PRDM4: variants seen among roughly 807,000 people sequenced by gnomAD.
The protein encoded by PRDM4 is PR domain zinc finger protein 4.
A neutral mutation model predicts 62.3 loss-of-function variants in PRDM4; 38 were observed. That is an observed-to-expected ratio of 0.61 (90% CI 0.47 to 0.80). The LOEUF (loss-of-function observed/expected upper bound fraction) is 0.80, where lower values mean the gene tolerates loss of function less well. Among genes scored for constraint, PRDM4 ranks in the 30% least tolerant of loss-of-function variants. The pLI is 0.00. For missense variants in PRDM4, 858 were observed against 997.1 expected, an observed-to-expected ratio of 0.86 and a Z score of 1.88; for synonymous variants, 339 against 348.2, an observed-to-expected ratio of 0.97 and a Z score of 0.30.
chr12:107,760,812 A>C, intron 1 of PRDM4, 41 bp from the exon 2 acceptor site: 7 of 336,512 alleles, frequency 2.1e-5, no homozygotes, highest in Admixed American at 5.1e-5. Flanking sequence ...AAACCACAAC[A>C]AGGTCGCAGC....
chr12:107,750,804 A>T (rs1890865039), intron 5 of PRDM4, among the ~76,000 whole-genome samples: 1 of 152,190 alleles, frequency 6.6e-6, no homozygotes, highest in Admixed American at 6.5e-5. Flanking sequence ...TTACCCCTAT[A>T]ACTCTCTATT....
rs562851255 is a variant in PRDM4 at position 107,751,303 on chromosome 12, A to G, written c.1126+112T>C. On this transcript the variant is annotated intron_variant, in intron 5 of 11. Transcript: ENST00000228437. The stretch of plus-strand genomic sequence containing the variant: ...AATACCAAGGCAAAGAAAAGTTCCA[A>G]GGTCTAGTTGCTTTCTATACTCCCT... The G allele has an allele frequency of 2.4e-5, 27 of 1,106,512 alleles. No individual in the cohort carries two copies. The African/African-American group carries it at 4.0e-4, about 16-fold the overall frequency. The allele number at this position is 1,106,512 out of a possible 1,614,324, so 68.5% of individuals were successfully genotyped here.
At position 107,734,048 on chromosome 12, in the gene PRDM4, A is replaced by G. The variant is rs1890248211; in HGVS notation, c.*162T>C. 1.4e-6 allele frequency: 1 copy of G among 707,780 alleles called. No individual in the cohort carries two copies. Among genetic ancestry groups the G allele is most frequent in the East Asian group, 2.8e-5 (1 of 36,144 alleles). The allele number at this position is 707,780 out of a possible 1,614,324, so 43.8% of individuals were successfully genotyped here. A position where few individuals can be genotyped will look rare whatever the true frequency, so the allele number is the denominator to read the frequency against. ...CAATCTGTTTTAAAGTGTTTTCATTAGGATACTCTTCTGTAAGTGCTTTAT... is the reference window on the plus strand; with the variant it reads ...CAATCTGTTTTAAAGTGTTTTCATTGGGATACTCTTCTGTAAGTGCTTTAT... On this transcript the variant is annotated 3_prime_UTR_variant, in exon 12 of 12. Transcript: ENST00000228437.
chr12:107,738,758 C>A (rs1045906375), intron 11 of PRDM4, among the ~76,000 whole-genome samples: 4 of 152,134 alleles, frequency 2.6e-5, no homozygotes, highest in Non-Finnish European at 5.9e-5. Flanking sequence ...CACTATGACA[C>A]TCCTTTCCTT....
chr12:107,751,312 T>C, intron 5 of PRDM4, 103 bp downstream of exon 5: 1 of 1,206,540 alleles, frequency 8.3e-7, no homozygotes. Context: ...AAGGTCTAGT[T>C]GCTTTCTATA....
chr12:107,739,300 C>G lies in PRDM4; in HGVS notation c.2093+83G>C, dbSNP rs566464961. Reference sequence around the variant, plus strand: ...ATGAAACAGATGAGCCAGGACTCCCCAGCCCTTCAATCAGCAGGTGGGCTG... The same window carrying G: ...ATGAAACAGATGAGCCAGGACTCCCGAGCCCTTCAATCAGCAGGTGGGCTG... On this transcript the variant is annotated intron_variant, in intron 11 of 11. Transcript: ENST00000228437. 120 of 1,491,050 alleles carry G rather than the reference C, an allele frequency of 8.0e-5. 2 individuals are homozygous for G. The South Asian group carries it at 1.4e-3, about 17-fold the overall frequency. The allele number at this position is 1,491,050 out of a possible 1,614,324, so 92.4% of individuals were successfully genotyped here. A position where few individuals can be genotyped will look rare whatever the true frequency, so the allele number is the denominator to read the frequency against.
At chr12:107,739,230 C>T in intron 11 of PRDM4, 153 bp downstream of exon 11, 1 of 765,746 alleles carries the variant, frequency 1.3e-6, no homozygotes, top group South Asian at 3.0e-5. Context: ...CCAACCTTGG[C>T]TTGGCTACAT....
chr12:107,746,192 A>C lies in PRDM4; in HGVS notation c.1276+83T>G, dbSNP rs1890697757. The C allele has an allele frequency of 1.2e-5, 18 of 1,511,114 alleles. No homozygotes were observed. In the South Asian group the frequency reaches 2.2e-4, roughly 18 times the overall value. The allele number at this position is 1,511,114 out of a possible 1,614,324, so 93.6% of individuals were successfully genotyped here. On this transcript the variant is annotated intron_variant, in intron 6 of 11. Transcript: ENST00000228437. ...TTGACTTTTGGTCCAAATAATTACTAAATTATACACATCCACTTTTACAAC... is the reference window on the plus strand; with the variant it reads ...TTGACTTTTGGTCCAAATAATTACTCAATTATACACATCCACTTTTACAAC...
intron 6 of PRDM4, among the ~76,000 whole-genome samples, chr12:107,745,528 G>A (rs1011554313): frequency 2.0e-5 from 3 of 151,592 alleles, no homozygotes; most frequent in African/African-American, 4.8e-5. Context: ...ACTGTACTCC[G>A]TATGTTAGGC....
chr12:107,742,870 C>T (rs756414337), intron 8 of PRDM4, among the ~76,000 whole-genome samples: 1 of 150,936 alleles, frequency 6.6e-6, no homozygotes, highest in Non-Finnish European at 1.5e-5. Context: ...CTCAAATGAT[C>T]CTCCCACCTC....
rs899208349 is a variant in PRDM4 at position 107,739,482 on chromosome 12, A to G, written c.1994T>C (p.Met665Thr). The G allele has an allele frequency of 6.2e-7, 1 of 1,613,892 alleles. No homozygotes were observed. The highest frequency in any genetic ancestry group is 1.3e-5 in the African/African-American group (1 of 74,950). ...FTQKAHLESH[M>T]VIHTGEKNLK... ...ATTCTTCTCCCCAGTGTGGATAACC[A>G]TGTGGGACTCCAGGTGAGCCTTCTG... is the stretch of plus-strand genomic sequence containing the variant. The change falls in exon 11 of 12, where the codon ATG (methionine) becomes ACG (threonine). Residue 665 changes from methionine to threonine, a missense_variant. Physicochemically the swap from Met to Thr is moderately conservative, Grantham distance 81. Coordinates refer to ENST00000228437, the MANE Select transcript of PRDM4 (RefSeq NM_012406.4).
At position 107,760,488 on chromosome 12, in the gene PRDM4, C is replaced by G; in HGVS notation, c.11+17G>C. Reference sequence around the variant, plus strand: ...TCCAACGATGTCACCAGTGCTGAAGCCCACCTCCCTACTCACCTGTGATGC... The same window carrying G: ...TCCAACGATGTCACCAGTGCTGAAGGCCACCTCCCTACTCACCTGTGATGC... On this transcript the variant is annotated intron_variant, in intron 2 of 11. Transcript: ENST00000228437. 1 of 1,613,428 alleles carries G rather than the reference C, an allele frequency of 6.2e-7. No individual in the cohort carries two copies. The highest frequency in any genetic ancestry group is 1.1e-5 in the South Asian group (1 of 90,902).
chr12:107,757,059 A>T, intron 2 of PRDM4, 94 bp from the exon 3 acceptor site: 1 of 1,332,866 alleles, frequency 7.5e-7, no homozygotes, highest in Non-Finnish European at 1.0e-6. Flanking sequence ...GGGATGGGGA[A>T]ATGGGACTTG....
chr12:107,753,698 A>T (rs1461676313), intron 4 of PRDM4, among the ~76,000 whole-genome samples: 3 of 152,234 alleles, frequency 2.0e-5, no homozygotes, highest in African/African-American at 7.2e-5. Flanking sequence ...AAGAAAAATT[A>T]TGTGCAATTA....
intron 10 of PRDM4, 119 bp downstream of exon 10, chr12:107,740,827 G>A (rs1312402818): frequency 1.9e-6 from 2 of 1,060,040 alleles, no homozygotes; most frequent in South Asian, 1.6e-5. Context: ...GTTAAACCAC[G>A]AAGGTTTCTT....
At chr12:107,742,495 T>C (rs1225591258) in intron 8 of PRDM4, 147 bp from the exon 9 acceptor site, 8 of 904,616 alleles carry the variant, frequency 8.8e-6, no homozygotes, top group Middle Eastern at 4.9e-4. Context: ...TCCCGTCCTA[T>C]CTATGAGAAG....
intron 10 of PRDM4, among the ~76,000 whole-genome samples, chr12:107,740,486 CA>C (rs201164901): frequency 6.8e-6 from 1 of 147,804 alleles, no homozygotes; most frequent in Middle Eastern, 3.5e-3. Context: ...GGCCCTATCT[CA>C]AAAAAAAATT....
Position 107,741,198 on chromosome 12 carries a change from C to G in PRDM4, c.1672G>C (p.Glu558Gln). 1.2e-6 allele frequency: 2 copies of G among 1,614,106 alleles called. No homozygotes were observed. Among genetic ancestry groups the G allele is most frequent in the Non-Finnish European group, 1.7e-6 (2 of 1,180,024 alleles). Residue 558 changes from glutamate to glutamine, a missense_variant, in exon 10 of 12, where the codon GAG becomes CAG. By Grantham distance (29) the Glu-to-Gln change is conservative (BLOSUM62 2). Coordinates refer to ENST00000228437, the MANE Select transcript of PRDM4 (RefSeq NM_012406.4). The part of the protein sequence containing the change: ...NCGKECNSYT[E>Q]FKAHLTSHIH... Reference sequence around the variant, plus strand: ...TGGCTGGTCAGATGGGCTTTGAACTCTGTGTAAGAATTGCACTCCTTGCCA... The same window carrying G: ...TGGCTGGTCAGATGGGCTTTGAACTGTGTGTAAGAATTGCACTCCTTGCCA...
chr12:107,751,711 A>C lies in PRDM4; in HGVS notation c.830T>G (p.Val277Gly). The change falls in exon 5 of 12, where the codon GTC becomes GGC. Residue 277 changes from valine (V) to glycine (G), a missense_variant. This residue lies in a region of PRDM4 where 499 missense variants were observed against 546.7 expected (regional missense o/e 0.91). Coordinates refer to ENST00000228437, the MANE Select transcript of PRDM4 (RefSeq NM_012406.4). ...GAGGGCACTGTCAGACATGCCATTG[A>C]CCCGACTTGCAATGTGGTCTGTCTC... is the stretch of plus-strand genomic sequence containing the variant. Reference protein sequence around the residue: ...VMETDHIASRVNGMSDSALSD... With the variant: ...VMETDHIASRGNGMSDSALSD... 1 of 1,614,100 alleles carries C rather than the reference A, an allele frequency of 6.2e-7. No individual in the cohort carries two copies. The highest frequency in any genetic ancestry group is 8.5e-7 in the Non-Finnish European group (1 of 1,180,014).
Sources: allele counts gnomAD v4.1 joint callset (sites outside exome capture counted in the v4.1 genomes callset), GRCh38; gene constraint gnomAD v4.1.1; regional missense constraint gnomAD v4.1.1; transcripts MANE v1.5; gene names NCBI Gene and HGNC (gene_info 2026-07-23, HGNC 2026-07-21).